The following ATG14 variants were observed in gnomAD, a reference collection of about 807,000 sequenced individuals.
ATG14 encodes the protein beclin 1-associated autophagy-related key regulator.
In ATG14, 35 loss-of-function variants were observed where a neutral mutation model predicts 60.4. That is an observed-to-expected ratio of 0.58 (90% CI 0.44 to 0.77). The LOEUF (loss-of-function observed/expected upper bound fraction) is 0.77, where lower values mean the gene tolerates loss of function less well. ATG14 is among the 30% of genes least tolerant of loss of function. The probability of loss-of-function intolerance (pLI) is 0.00; values close to 1 mark genes in which losing one functional copy is unlikely to be tolerated. For synonymous variants in ATG14, 234 were observed against 228.8 expected (o/e 1.02, Z -0.21); for missense variants, 647 against 626.3 (o/e 1.03, Z -0.35).
At chr14:55,378,762 GATCATA>G (rs1884970074) in intron 7 of ATG14, among the ~76,000 whole-genome samples, 1 of 152,110 alleles carries the variant, frequency 6.6e-6, no homozygotes, top group Non-Finnish European at 1.5e-5. Context: ...GCACTGGCAT[GATCATA>G]GCTCACTACA....
At chr14:55,381,411 G>A (rs977722189) in intron 6 of ATG14, among the ~76,000 whole-genome samples, 8 of 152,052 alleles carry the variant, frequency 5.3e-5, no homozygotes, top group Non-Finnish European at 4.4e-5. Flanking sequence ...GGGTCTAAAC[G>A]GGTTAAATAT....
intron 9 of ATG14, among the ~76,000 whole-genome samples, 177 bp from the exon 10 acceptor site, chr14:55,370,102 T>G (rs1884781163): frequency 6.6e-6 from 1 of 152,196 alleles, no homozygotes; most frequent in South Asian, 2.1e-4. Context: ...TTTACCCAAA[T>G]AATCTCCACC....
At chr14:55,399,530 CAA>C (rs1885365557) in intron 1 of ATG14, among the ~76,000 whole-genome samples, 1 of 152,206 alleles carries the variant, frequency 6.6e-6, no homozygotes, top group African/African-American at 2.4e-5. Context: ...ACCTGCAACA[CAA>C]AACAAGGCAT....
intron 3 of ATG14, among the ~76,000 whole-genome samples, chr14:55,391,984 A>C (rs147713314): frequency 2.6e-5 from 4 of 152,152 alleles, no homozygotes; most frequent in Non-Finnish European, 5.9e-5. Flanking sequence ...TAGGTTCAGC[A>C]CCCCCTAAAG....
intron 3 of ATG14, chr14:55,391,318 A>G (rs1340703400): frequency 1.1e-5 from 2 of 180,128 alleles, no homozygotes. Flanking sequence ...TACTAAAAAA[A>G]TACAAAAATT....
chr14:55,408,040 G>A (rs966295517), intron 1 of ATG14, among the ~76,000 whole-genome samples: 28 of 152,176 alleles, frequency 1.8e-4, no homozygotes, highest in African/African-American at 5.8e-4. Flanking sequence ...ATTTGAGTGC[G>A]TAATACATTC....
chr14:55,395,530 C>T (rs1006311330), intron 3 of ATG14, among the ~76,000 whole-genome samples: 1 of 152,136 alleles, frequency 6.6e-6, no homozygotes, highest in Non-Finnish European at 1.5e-5. Flanking sequence ...AAGTTTTAAA[C>T]TGTTATATGA....
intron 1 of ATG14, among the ~76,000 whole-genome samples, chr14:55,403,866 T>A (rs1885449516): frequency 6.6e-6 from 1 of 152,248 alleles, no homozygotes. Context: ...ATTTCAAATG[T>A]CATATTTACA....
At chr14:55,406,781 G>A (rs554566222) in intron 1 of ATG14, among the ~76,000 whole-genome samples, 17 of 152,262 alleles carry the variant, frequency 1.1e-4, no homozygotes, top group African/African-American at 4.1e-4. Context: ...AGGTGAAGCT[G>A]ACCTAAGCAG....
At chr14:55,377,510 A>T (rs775819593) in intron 9 of ATG14, among the ~76,000 whole-genome samples, 5 of 152,180 alleles carry the variant, frequency 3.3e-5, no homozygotes, top group Non-Finnish European at 7.3e-5. Context: ...ATAGACGCAG[A>T]TCCAAAGACA....
chr14:55,400,996 G>T (rs1217559122), intron 1 of ATG14, among the ~76,000 whole-genome samples: 2 of 151,694 alleles, frequency 1.3e-5, no homozygotes, highest in Non-Finnish European at 2.9e-5. Flanking sequence ...GCAAAATTGT[G>T]GGCAATCCTC....
At chr14:55,385,790 T>A in intron 5 of ATG14, 69 bp downstream of exon 5, 1 of 1,285,438 alleles carries the variant, frequency 7.8e-7, no homozygotes, top group Non-Finnish European at 1.1e-6. Flanking sequence ...ATAAATAAGG[T>A]AATGACATAC....
chr14:55,407,991 T>C (rs754344738), intron 1 of ATG14, among the ~76,000 whole-genome samples: 2 of 152,172 alleles, frequency 1.3e-5, no homozygotes, highest in Non-Finnish European at 2.9e-5. Flanking sequence ...GGCCTACAAC[T>C]GTGGAGCAGT....
chr14:55,382,317 T>C (rs1283367685), intron 5 of ATG14, 126 bp from the exon 6 acceptor site: 16 of 736,600 alleles, frequency 2.2e-5, no homozygotes, highest in Non-Finnish European at 3.5e-5. Flanking sequence ...CATTAAATTT[T>C]TATTTTTTAT....
chr14:55,381,803 T>C (rs1885038207), intron 6 of ATG14, among the ~76,000 whole-genome samples, 159 bp downstream of exon 6: 1 of 152,172 alleles, frequency 6.6e-6, no homozygotes, highest in Admixed American at 6.5e-5. Context: ...TCTGGGGTGA[T>C]CAAAATGTTT....
chr14:55,367,254 C>A lies in ATG14; in HGVS notation c.*2365G>T, dbSNP rs1282063334. On this transcript the variant is annotated 3_prime_UTR_variant, in exon 10 of 10. Transcript: ENST00000247178. ...CACCAAGCTCCAAATCCCACTCTTA[C>A]AACTCGTGAGACTAAGCTCTTACTT... 6.6e-6 allele frequency: 1 copy of A among 152,220 alleles called. No homozygotes were observed. The highest frequency in any genetic ancestry group is 2.4e-5 in the African/African-American group (1 of 41,450). The allele number at this position is 152,220 out of a possible 1,614,324, so 9.4% of individuals were successfully genotyped here.
intron 5 of ATG14, among the ~76,000 whole-genome samples, chr14:55,382,676 A>G (rs1007137231): frequency 6.6e-6 from 1 of 152,228 alleles, no homozygotes; most frequent in Non-Finnish European, 1.5e-5. Flanking sequence ...ATATACGTAG[A>G]TAAGAGCTTG....
chr14:55,384,991 C>A (rs1337540450), intron 5 of ATG14, among the ~76,000 whole-genome samples: 1 of 152,162 alleles, frequency 6.6e-6, no homozygotes, highest in African/African-American at 2.4e-5. Flanking sequence ...CCTGTCTGTC[C>A]CACCAGGGGT....
chr14:55,393,886 TAAATG>T (rs1350124155), intron 3 of ATG14, among the ~76,000 whole-genome samples: 1 of 152,036 alleles, frequency 6.6e-6, no homozygotes, highest in African/African-American at 2.4e-5. Context: ...TTAAAATACA[TAAATG>T]AAATCATACT....
Sources: allele counts gnomAD v4.1 joint callset (sites outside exome capture counted in the v4.1 genomes callset), GRCh38; gene constraint gnomAD v4.1.1; transcripts MANE v1.5; gene names NCBI Gene and HGNC (gene_info 2026-07-23, HGNC 2026-07-21).